The following FAM149A variants were observed in gnomAD, a reference collection of about 807,000 sequenced individuals.
FAM149A encodes the protein family with sequence similarity 149 member A.
FAM149A carries 71 observed loss-of-function variants against 78.2 expected under a neutral mutation model. The observed-to-expected ratio is 0.91, with a 90% CI of 0.75 to 1.11. The LOEUF is 1.11. Among genes scored for constraint, FAM149A ranks in the 50% least tolerant of loss-of-function variants. The probability of loss-of-function intolerance (pLI) is 0.00; values close to 1 mark genes in which losing one functional copy is unlikely to be tolerated. For missense variants in FAM149A, 1,036 were observed against 971.0 expected, an observed-to-expected ratio of 1.07 and a Z score of -0.89; for synonymous variants, 446 against 410.5, an observed-to-expected ratio of 1.09 and a Z score of -1.04.
chr4:186,125,304 C>T, intron 1 of FAM149A: 1 of 985,382 alleles, frequency 1.0e-6, no homozygotes, highest in Non-Finnish European at 1.2e-6. Context: ...CTTCTCGAAC[C>T]ATATCTTTCT....
chr4:186,159,381 G>A (rs1734330754), intron 8 of FAM149A, among the ~76,000 whole-genome samples: 1 of 152,264 alleles, frequency 6.6e-6, no homozygotes, highest in Middle Eastern at 3.4e-3. Context: ...TCTTGTGGGA[G>A]AGAACTCTGG....
intron 8 of FAM149A, chr4:186,158,281 T>A: frequency 2.4e-6 from 3 of 1,225,760 alleles, no homozygotes; most frequent in South Asian, 1.5e-5. Context: ...ACCACCAGCC[T>A]CTCAGAGAGG....
At chr4:186,162,810 C>CA (rs1734713227) in intron 8 of FAM149A, 35 bp from the exon 9 acceptor site, 2 of 563,112 alleles carry the variant, frequency 3.6e-6, no homozygotes, top group Non-Finnish European at 6.1e-6. Context: ...ATTTGTAATT[C>CA]TTTTTTTTTT....
chr4:186,121,681 C>T (rs1334066783), intron 1 of FAM149A, among the ~76,000 whole-genome samples: 2 of 152,216 alleles, frequency 1.3e-5, no homozygotes, highest in Non-Finnish European at 2.9e-5. Context: ...ACAGCCGCTG[C>T]ACACGTTGAC....
At position 186,104,919 on chromosome 4, in the gene FAM149A, G is replaced by A. The variant is rs2099308165; in HGVS notation, c.-158G>A. The A allele has an allele frequency of 2.1e-6, 2 of 971,570 alleles. No homozygotes were observed. Among genetic ancestry groups the A allele is most frequent in the Non-Finnish European group, 2.4e-6 (2 of 817,560 alleles). 60.2% of individuals were successfully genotyped at this position (971,570 alleles called of 1,614,324 possible). The stretch of plus-strand genomic sequence containing the variant: ...CGGGGAAGGGCGACCCCAGCGGCGC[G>A]GAGCTGAGCGTCCTCGGGGAGGAGA... On this transcript the variant is annotated 5_prime_UTR_variant, in exon 1 of 14. Transcript: ENST00000389354.
chr4:186,151,845 C>T (rs528477594), intron 3 of FAM149A, 58 bp from the exon 4 acceptor site: 23 of 1,589,068 alleles, frequency 1.4e-5, no homozygotes, highest in South Asian at 8.0e-5. Flanking sequence ...AGCGTTGATC[C>T]AGAAGCCCGC....
intron 1 of FAM149A, chr4:186,123,982 A>G: frequency 4.1e-6 from 4 of 985,374 alleles, no homozygotes; most frequent in Non-Finnish European, 4.8e-6. Context: ...GATAGCTAAA[A>G]TTTTCTAATG....
rs533848253 is a variant in FAM149A at position 186,105,423 on chromosome 4, G to A, written c.347G>A (p.Gly116Glu). The A allele has an allele frequency of 5.0e-6, 6 of 1,199,024 alleles. No homozygotes were observed. The highest frequency in any genetic ancestry group is 6.3e-6 in the Non-Finnish European group (6 of 951,290). 74.3% of individuals were successfully genotyped at this position (1,199,024 alleles called of 1,614,324 possible). Residue 116 changes from glycine to glutamate, a missense_variant, in exon 1 of 14, where the codon GGG becomes GAG. Gly to Glu is a moderately conservative substitution (Grantham distance 98). Coordinates refer to ENST00000389354, the MANE Select transcript of FAM149A (RefSeq NM_001367768.3). ...CCCCAGCCCCCCACTCCCTCCGGCG[G>A]GGGCTGCTCCCCTGCTCGCCTGGTG... is the stretch of plus-strand genomic sequence containing the variant.
At chr4:186,138,984 T>C (rs7686019) in intron 1 of FAM149A, among the ~76,000 whole-genome samples, 130,538 of 151,900 alleles carry the variant, frequency 0.86, 56,173 homozygotes, top group Middle Eastern at 0.91. Flanking sequence ...AGTTCTTCTG[T>C]GGGAAATGTG....
chr4:186,142,646 T>G (rs1479745455), intron 1 of FAM149A, among the ~76,000 whole-genome samples: 1 of 152,146 alleles, frequency 6.6e-6, no homozygotes, highest in African/African-American at 2.4e-5. Context: ...TTCCAACGAC[T>G]TCACTGGAGG....
chr4:186,120,848 C>CTT (rs374357159), intron 1 of FAM149A, among the ~76,000 whole-genome samples: 56,696 of 90,160 alleles, frequency 0.63, 20,130 homozygotes, highest in South Asian at 0.69. Context: ...AAATAATATT[C>CTT]TTTTTTTTTT....
At chr4:186,137,777 A>G (rs1291023306) in intron 1 of FAM149A, among the ~76,000 whole-genome samples, 1 of 151,984 alleles carries the variant, frequency 6.6e-6, no homozygotes, top group Non-Finnish European at 1.5e-5. Context: ...TTAATATCAT[A>G]TTTATTTATT....
Position 186,175,288 on chromosome 4 carries a change from A to ATT in FAM149A, c.*3301_*3302insTT, listed in dbSNP as rs1380402621. 4.4e-5 allele frequency among the ~76,000 whole-genome samples: 5 copies of ATT among 112,374 alleles called. 2 individuals are homozygous for ATT. The East Asian group carries it at 1.1e-3, about 25-fold the overall frequency. The allele number at this position is 112,374 out of a possible 152,430, so 73.7% of individuals were successfully genotyped here. ...TCTAATAAAATATAAAAGTGTTAAA[A>ATT]GAGTTTTCAAAAATGTGTAACATTT... On this transcript the variant is annotated 3_prime_UTR_variant, in exon 14 of 14. Coordinates refer to ENST00000389354, the MANE Select transcript of FAM149A (RefSeq NM_001367768.3).
Position 186,167,047 on chromosome 4 carries a change from C to T in FAM149A, c.2090C>T (p.Thr697Ile), listed in dbSNP as rs1735097889. 2.5e-6 allele frequency: 4 copies of T among 1,614,070 alleles called. No individual in the cohort carries two copies. In the African/African-American group the frequency reaches 5.3e-5, roughly 22 times the overall value. ...GAACGATCGCGTCTTCGAGAAAGAA[C>T]AGCCACCCTGGAACGGTTGTCAAGG... The change falls in exon 12 of 14, where the codon ACA becomes ATA. Residue 697 changes from threonine (T) to isoleucine (I), a missense_variant. By Grantham distance (89) the Thr-to-Ile change is moderately conservative (BLOSUM62 -1). This residue lies in a region of FAM149A where 716 missense variants were observed against 711.8 expected (regional missense o/e 1.01). Transcript: ENST00000389354.
At chr4:186,117,563 G>C in intron 1 of FAM149A, 3 of 985,458 alleles carry the variant, frequency 3.0e-6, no homozygotes, top group Non-Finnish European at 3.6e-6. Context: ...GGAGGGCACT[G>C]TCGGAGACCA....
At chr4:186,119,105 T>G (rs1229155359) in intron 1 of FAM149A, among the ~76,000 whole-genome samples, 1 of 152,196 alleles carries the variant, frequency 6.6e-6, no homozygotes, top group Non-Finnish European at 1.5e-5. Context: ...TCTGGATATT[T>G]GTTTCATTTC....
intron 5 of FAM149A, 30 bp from the exon 6 acceptor site, chr4:186,154,438 T>C: frequency 6.4e-7 from 1 of 1,574,112 alleles, no homozygotes. Flanking sequence ...TTCTATAAAC[T>C]CCCATGTAGA....
Position 186,173,707 on chromosome 4 carries a change from A to G in FAM149A, c.*1720A>G, listed in dbSNP as rs925690680. On this transcript the variant is annotated 3_prime_UTR_variant, in exon 14 of 14. Transcript: ENST00000389354. ...AGACACATTAGGCAGCAGCAGCAGC[A>G]GCAGCAGCAGCGACCACCAGGTCCA... Among the ~76,000 whole-genome samples, 4 of 112,244 alleles carry G rather than the reference A, an allele frequency of 3.6e-5. 1 individual carries two copies. The highest frequency in any genetic ancestry group is 8.8e-5 in the Admixed American group (1 of 11,408). 73.6% of individuals were successfully genotyped at this position (112,244 alleles called of 152,430 possible). A position where few individuals can be genotyped will look rare whatever the true frequency, so the allele number is the denominator to read the frequency against.
At position 186,134,914 on chromosome 4, in the gene FAM149A, C is replaced by T. The variant is rs567760314; in HGVS notation, c.567-14259C>T. ...GCTAGGGTGACACAATTCAATATGA[C>T]GCAGTTCCTGGGCTCAAGCAGTTTT... On this transcript the variant is annotated intron_variant, in intron 1 of 13. Transcript: ENST00000389354. 5.9e-5 allele frequency among the ~76,000 whole-genome samples: 9 copies of T among 152,278 alleles called. No homozygotes were observed. In the East Asian group the frequency reaches 1.2e-3, roughly 20 times the overall value.
Sources: gnomAD v4.1 joint callset for allele counts (sites outside exome capture counted in the v4.1 genomes callset) on GRCh38, gnomAD v4.1.1 for gene constraint, gnomAD v4.1.1 regional missense constraint, MANE v1.5 for transcripts, NCBI Gene and HGNC (gene_info 2026-07-23, HGNC 2026-07-21) for gene names.